The following KCNK9 variants were observed in gnomAD, a reference collection of about 807,000 sequenced individuals.
The protein encoded by KCNK9 is potassium two pore domain channel subfamily K member 9.
Under a neutral mutation model 10.8 loss-of-function variants are expected in KCNK9, and 1 was observed. The ratio of observed to expected loss-of-function variants is 0.09; its 90% confidence interval spans 0.03 to 0.44. The LOEUF (loss-of-function observed/expected upper bound fraction) is 0.44. Ranked by LOEUF, KCNK9 falls within the 20% of genes least tolerant of loss-of-function variation. The probability of loss-of-function intolerance (pLI) is 0.97; values close to 1 mark genes in which losing one functional copy is unlikely to be tolerated. For missense variants in KCNK9, 303 were observed against 515.0 expected (o/e 0.59, Z 3.98); for synonymous variants, 231 against 222.7 (o/e 1.04, Z -0.33).
Position 139,655,191 on chromosome 8 carries a change from G to A in KCNK9, c.284-36092C>T, listed in dbSNP as rs187217805. Among the ~76,000 whole-genome samples, 31 of 152,222 alleles carry A rather than the reference G, an allele frequency of 2.0e-4. No individual in the cohort carries two copies. In the East Asian group the frequency reaches 6.0e-3, roughly 29 times the overall value. ...GAATGGGGTCAGGCTGCAGACCCCT[G>A]TGGCCTCGGGTTGTCAAGAAGCCTG... On this transcript the variant is annotated intron_variant, in intron 1 of 1. Coordinates refer to ENST00000520439, the MANE Select transcript of KCNK9 (RefSeq NM_001282534.2).
At position 139,658,101 on chromosome 8, in the gene KCNK9, T is replaced by C. The variant is rs146872218; in HGVS notation, c.284-39002A>G. 2.2e-3 allele frequency among the ~76,000 whole-genome samples: 337 copies of C among 152,288 alleles called. 2 individuals carry two copies. The highest frequency in any genetic ancestry group is 7.8e-3 in the African/African-American group (323 of 41,564). On this transcript the variant is annotated intron_variant, in intron 1 of 1. Coordinates refer to ENST00000520439, the MANE Select transcript of KCNK9 (RefSeq NM_001282534.2). ...AGGTCATGGCATCCACTCAGATGGA[T>C]CAAATCAGGGCAAAGACCCTTGTCT...
intron 1 of KCNK9, among the ~76,000 whole-genome samples, chr8:139,692,129 A>G (rs944001965): frequency 1.3e-5 from 2 of 152,216 alleles, no homozygotes; most frequent in African/African-American, 4.8e-5. Context: ...AAGATGACTG[A>G]GCAGAAAGCT....
intron 1 of KCNK9, among the ~76,000 whole-genome samples, chr8:139,657,571 C>A (rs530047145): frequency 1.2e-3 from 178 of 152,230 alleles, no homozygotes; most frequent in African/African-American, 4.1e-3. Context: ...AGAGCCAAAA[C>A]CCCCCAGAGC....
rs78180091 is a variant in KCNK9, at chr8:139,697,955, A to C, written c.283+4755T>G. Reference sequence around the variant, plus strand: ...CCAGCATGGCCAGCTACCCTGCTGGACATTACCAAGGAGGCCCCACTCCTC... The same window carrying C: ...CCAGCATGGCCAGCTACCCTGCTGGCCATTACCAAGGAGGCCCCACTCCTC... On this transcript the variant is annotated intron_variant, in intron 1 of 1. Coordinates refer to ENST00000520439, the MANE Select transcript of KCNK9 (RefSeq NM_001282534.2). 3.4e-3 allele frequency among the ~76,000 whole-genome samples: 513 copies of C among 152,206 alleles called. 23 individuals are homozygous for C. The East Asian group carries it at 0.071, about 21-fold the overall frequency.
chr8:139,663,244 C>T (rs1408156093), intron 1 of KCNK9, among the ~76,000 whole-genome samples: 1 of 152,142 alleles, frequency 6.6e-6, no homozygotes, highest in African/African-American at 2.4e-5. Flanking sequence ...CCAGTGAATC[C>T]TCCCAGGCCA....
rs1278832508 is a variant in KCNK9 at position 139,617,761 on chromosome 8, TGCACACAGAAGCAC to T, written c.*483_*496del. Reference sequence around the variant, plus strand: ...ACTTCCCGTTTTGTCACGACACACGTGCACACAGAAGCACACACACAACACACACACAGTCACTC... The same window carrying T: ...ACTTCCCGTTTTGTCACGACACACGTACACACAACACACACACAGTCACTC... On this transcript the variant is annotated 3_prime_UTR_variant, in exon 2 of 2. Transcript: ENST00000520439. Among the ~76,000 whole-genome samples the T allele has an allele frequency of 3.3e-5, 5 of 152,146 alleles. No homozygotes were observed. Among genetic ancestry groups the T allele is most frequent in the African/African-American group, 1.2e-4 (5 of 41,412 alleles).
chr8:139,696,031 T>G (rs1817042456), intron 1 of KCNK9, among the ~76,000 whole-genome samples: 2 of 152,108 alleles, frequency 1.3e-5, no homozygotes, highest in South Asian at 4.1e-4. Context: ...TTTCTAAATG[T>G]ACATCTGCTG....
chr8:139,676,806 G>T (rs1427067888), intron 1 of KCNK9, among the ~76,000 whole-genome samples: 1 of 152,112 alleles, frequency 6.6e-6, no homozygotes, highest in East Asian at 1.9e-4. Flanking sequence ...AAAAAAATTA[G>T]CTGAGTGTGG....
At chr8:139,673,016 C>T (rs1816470200) in intron 1 of KCNK9, among the ~76,000 whole-genome samples, 1 of 152,196 alleles carries the variant, frequency 6.6e-6, no homozygotes, top group Non-Finnish European at 1.5e-5. Flanking sequence ...ACCAGAGGCT[C>T]AACCCACCTA....
chr8:139,697,990 C>CTACT (rs1817104237), intron 1 of KCNK9, among the ~76,000 whole-genome samples: 1 of 152,192 alleles, frequency 6.6e-6, no homozygotes, highest in Admixed American at 6.5e-5. Context: ...CTGGGCCCAC[C>CTACT]CCATGGCGCC....
At chr8:139,624,975 G>A (rs1329680700) in intron 1 of KCNK9, among the ~76,000 whole-genome samples, 2 of 152,198 alleles carry the variant, frequency 1.3e-5, no homozygotes, top group African/African-American at 4.8e-5. Flanking sequence ...CACCCTGGGA[G>A]GACCCCTCTA....
At chr8:139,672,665 C>T (rs1360829227) in intron 1 of KCNK9, among the ~76,000 whole-genome samples, 1 of 152,244 alleles carries the variant, frequency 6.6e-6, no homozygotes, top group Non-Finnish European at 1.5e-5. Flanking sequence ...CCTGTCCAGA[C>T]ACAGCCCCCG....
chr8:139,648,819 T>G (rs934280113), intron 1 of KCNK9, among the ~76,000 whole-genome samples: 16 of 152,218 alleles, frequency 1.1e-4, no homozygotes, highest in Non-Finnish European at 2.9e-5. Flanking sequence ...CGTGGGCAGA[T>G]GAGGGCTGGA....
In KCNK9 at chr8:139,607,286, T is replaced by C. The variant is rs933070194; in HGVS notation, c.*1-5685A>G. On this transcript the variant is annotated intron_variant, in intron 2 of 2. Coordinates refer to the KCNK9 transcript ENST00000650269. Reference sequence around the variant, plus strand: ...ACTCTGTGCATCAGGGAGGCTGTGGTCCATGGGCATCTTAGTCCCATGAAG... The same window carrying C: ...ACTCTGTGCATCAGGGAGGCTGTGGCCCATGGGCATCTTAGTCCCATGAAG... Among the ~76,000 whole-genome samples the C allele has an allele frequency of 1.2e-4, 18 of 152,200 alleles. 1 individual carries two copies. The highest frequency in any genetic ancestry group is 1.1e-3 in the Admixed American group (17 of 15,282).
intron 2 of KCNK9, among the ~76,000 whole-genome samples, chr8:139,602,713 G>C (rs1817400799): frequency 1.3e-5 from 2 of 152,190 alleles, no homozygotes; most frequent in African/African-American, 4.8e-5. Flanking sequence ...TTGCTTGTGA[G>C]AATCATTATA....
intron 1 of KCNK9, among the ~76,000 whole-genome samples, chr8:139,668,422 C>CTT (rs35809199): frequency 0.036 from 5,032 of 140,648 alleles, 169 homozygotes; most frequent in African/African-American, 0.077. Context: ...GTAAACAATA[C>CTT]TTTTTTTTTT....
intron 1 of KCNK9, among the ~76,000 whole-genome samples, chr8:139,639,435 G>C (rs1185030858): frequency 6.6e-6 from 1 of 152,202 alleles, no homozygotes; most frequent in Admixed American, 6.5e-5. Flanking sequence ...GACCAACACA[G>C]GGTAGCTCTC....
chr8:139,662,867 G>C (rs1375332651), intron 1 of KCNK9, among the ~76,000 whole-genome samples: 4 of 111,482 alleles, frequency 3.6e-5, no homozygotes. Flanking sequence ...GGGGAGGGGT[G>C]GGGGAAGGGG....
intron 1 of KCNK9, among the ~76,000 whole-genome samples, chr8:139,691,706 C>T (rs1216880773): frequency 1.3e-5 from 2 of 152,156 alleles, no homozygotes; most frequent in East Asian, 3.8e-4. Context: ...AATCATTTCC[C>T]TTCAGTCTGT....
Sources: allele counts gnomAD v4.1 joint callset (sites outside exome capture counted in the v4.1 genomes callset), GRCh38; gene constraint gnomAD v4.1.1; transcripts MANE v1.5; gene names NCBI Gene and HGNC (gene_info 2026-07-23, HGNC 2026-07-21).